PAK5: variants seen among roughly 807,000 people sequenced by gnomAD.
PAK5 encodes p21 (RAC1) activated kinase 5, also known as serine/threonine-protein kinase PAK 5.
PAK5 carries 16 observed loss-of-function variants against 65.9 expected under a neutral mutation model. The observed-to-expected ratio is 0.24, with a 90% CI of 0.16 to 0.37. PAK5 has a LOEUF of 0.37. Among genes scored for constraint, PAK5 ranks in the 10% least tolerant of loss-of-function variants. PAK5 has a pLI of 1.00. For missense variants in PAK5, 785 were observed against 903.9 expected, an observed-to-expected ratio of 0.87 and a Z score of 1.69; for synonymous variants, 371 against 354.9, an observed-to-expected ratio of 1.05 and a Z score of -0.51.
intron 2 of PAK5, among the ~76,000 whole-genome samples, chr20:9,647,545 C>T (rs1421909689): frequency 6.6e-6 from 1 of 152,084 alleles, no homozygotes; most frequent in Non-Finnish European, 1.5e-5. Flanking sequence ...GTGAATTTCC[C>T]AGTGGTTGCT....
At chr20:9,647,707 C>T (rs1257506870) in intron 2 of PAK5, among the ~76,000 whole-genome samples, 1 of 152,206 alleles carries the variant, frequency 6.6e-6, no homozygotes. Flanking sequence ...TTTTAATGGT[C>T]AAACATGCAG....
At chr20:9,597,896 G>A (rs2046298629) in intron 3 of PAK5, among the ~76,000 whole-genome samples, 3 of 152,234 alleles carry the variant, frequency 2.0e-5, no homozygotes, top group African/African-American at 7.2e-5. Flanking sequence ...CTAGAACCAT[G>A]GGTCAAGCAC....
At chr20:9,631,477 T>G (rs1334091416) in intron 3 of PAK5, among the ~76,000 whole-genome samples, 3 of 152,204 alleles carry the variant, frequency 2.0e-5, no homozygotes, top group Admixed American at 2.0e-4. Flanking sequence ...ATTCTGCAGC[T>G]GCAAAGAAAA....
chr20:9,598,175 G>A (rs144973271), intron 3 of PAK5, among the ~76,000 whole-genome samples: 69 of 152,184 alleles, frequency 4.5e-4, no homozygotes, highest in Admixed American at 2.4e-3. Context: ...TTTTCTCATT[G>A]TTCAGCTCCC....
chr20:9,706,409 A>G (rs758629500), intron 2 of PAK5, among the ~76,000 whole-genome samples: 5 of 151,992 alleles, frequency 3.3e-5, no homozygotes, highest in Non-Finnish European at 1.5e-5. Flanking sequence ...GTTTTCTTCA[A>G]TCACTTACAA....
chr20:9,553,073 G>A (rs778996656), intron 7 of PAK5, among the ~76,000 whole-genome samples: 3 of 152,018 alleles, frequency 2.0e-5, no homozygotes, highest in Non-Finnish European at 4.4e-5. Context: ...AAGTTGCAAC[G>A]TGCACCCGTC....
intron 2 of PAK5, among the ~76,000 whole-genome samples, chr20:9,674,345 C>T (rs972219932): frequency 6.6e-6 from 1 of 152,140 alleles, no homozygotes; most frequent in African/African-American, 2.4e-5. Flanking sequence ...TGAACCCTCT[C>T]CCTGCCTACC....
At chr20:9,765,496 C>A (rs1299816568) in intron 1 of PAK5, among the ~76,000 whole-genome samples, 1 of 151,802 alleles carries the variant, frequency 6.6e-6, no homozygotes, top group Admixed American at 6.6e-5. Flanking sequence ...AAAATGTTAG[C>A]TATTTTCTGT....
At chr20:9,558,919 C>T (rs949261518) in intron 6 of PAK5, among the ~76,000 whole-genome samples, 3 of 152,282 alleles carry the variant, frequency 2.0e-5, no homozygotes, top group East Asian at 3.9e-4. Flanking sequence ...AGCTAACTGC[C>T]CAAGGTTGCG....
intron 7 of PAK5, among the ~76,000 whole-genome samples, chr20:9,545,837 T>G (rs952121974): frequency 5.3e-5 from 8 of 152,162 alleles, no homozygotes; most frequent in African/African-American, 1.9e-4. Context: ...CTATCAGTCC[T>G]GTTCTAGTGA....
At chr20:9,780,660 T>G (rs1385742171) in intron 1 of PAK5, among the ~76,000 whole-genome samples, 1 of 152,036 alleles carries the variant, frequency 6.6e-6, no homozygotes, top group Non-Finnish European at 1.5e-5. Flanking sequence ...GTTATTTTCC[T>G]CCCATACCCA....
chr20:9,599,695 T>C (rs1273076322), intron 3 of PAK5, among the ~76,000 whole-genome samples: 2 of 152,096 alleles, frequency 1.3e-5, no homozygotes, highest in Admixed American at 6.6e-5. Context: ...TGTATTTGAG[T>C]TGGGCTGTTT....
chr20:9,681,771 C>G (rs553200028), intron 2 of PAK5, among the ~76,000 whole-genome samples: 2 of 152,148 alleles, frequency 1.3e-5, no homozygotes, highest in South Asian at 4.2e-4. Flanking sequence ...TTCTCTCATA[C>G]TTTATTCCTT....
intron 2 of PAK5, among the ~76,000 whole-genome samples, chr20:9,686,044 G>T (rs1404052298): frequency 2.0e-5 from 3 of 152,134 alleles, no homozygotes; most frequent in African/African-American, 7.2e-5. Flanking sequence ...TTCTTAATGG[G>T]TCTCAATGCC....
At chr20:9,674,693 TGCTTTCAGGAAA>T (rs1438073347) in intron 2 of PAK5, among the ~76,000 whole-genome samples, 2 of 151,972 alleles carry the variant, frequency 1.3e-5, no homozygotes, top group Non-Finnish European at 2.9e-5. Context: ...ATTGAGGGAG[TGCTTTCAGGAAA>T]GCAGGGCAGG....
At chr20:9,751,040 G>A (rs143854303) in intron 1 of PAK5, among the ~76,000 whole-genome samples, 2 of 152,196 alleles carry the variant, frequency 1.3e-5, no homozygotes, top group South Asian at 4.1e-4. Context: ...GTAGATATTT[G>A]GTAGCTTCCC....
At chr20:9,695,477 A>T (rs1264556239) in intron 2 of PAK5, among the ~76,000 whole-genome samples, 2 of 152,066 alleles carry the variant, frequency 1.3e-5, no homozygotes, top group African/African-American at 4.8e-5. Context: ...TTTACGATCT[A>T]TCTGAAATCG....
intron 1 of PAK5, among the ~76,000 whole-genome samples, chr20:9,808,919 ATC>A (rs2049264509): frequency 6.6e-6 from 1 of 152,204 alleles, no homozygotes; most frequent in African/African-American, 2.4e-5. Context: ...AAGAATGATT[ATC>A]TCTAGAAAAA....
chr20:9,636,694 T>C (rs2046986756), intron 3 of PAK5, among the ~76,000 whole-genome samples: 1 of 152,164 alleles, frequency 6.6e-6, no homozygotes, highest in South Asian at 2.1e-4. Flanking sequence ...AGAGAAATTA[T>C]ATAGTATACA....
Sources: allele counts gnomAD v4.1 joint callset (sites outside exome capture counted in the v4.1 genomes callset), GRCh38; gene constraint gnomAD v4.1.1; transcripts MANE v1.5; gene names NCBI Gene and HGNC (gene_info 2026-07-23, HGNC 2026-07-21).